ETF1: variants seen among roughly 807,000 people sequenced by gnomAD.
The protein encoded by ETF1 is eukaryotic translation termination factor 1.
In ETF1, 4 loss-of-function variants were observed where a neutral mutation model predicts 55.1. The observed-to-expected ratio is 0.07, with a 90% CI of 0.04 to 0.17. The LOEUF (loss-of-function observed/expected upper bound fraction) is 0.17, where lower values mean the gene tolerates loss of function less well. Among genes scored for constraint, ETF1 ranks in the 10% least tolerant of loss-of-function variants. ETF1 has a pLI of 1.00. For missense variants in ETF1, 142 were observed against 523.6 expected (o/e 0.27, Z 7.11); for synonymous variants, 157 against 182.3 (o/e 0.86, Z 1.12).
intron 3 of ETF1, chr5:138,517,962 G>T: frequency 3.5e-6 from 3 of 846,582 alleles, no homozygotes; most frequent in Non-Finnish European, 4.3e-6. Context: ...AGCACTCTGG[G>T]AGGCCGAGGT....
At chr5:138,531,317 G>A (rs1047171249) in intron 2 of ETF1, among the ~76,000 whole-genome samples, 7 of 152,088 alleles carry the variant, frequency 4.6e-5, no homozygotes, top group East Asian at 1.9e-4. Flanking sequence ...AGGATGCAGC[G>A]TTCAAGGTGC....
chr5:138,511,858 T>C, intron 6 of ETF1: 1 of 985,058 alleles, frequency 1.0e-6, no homozygotes, highest in Non-Finnish European at 1.2e-6. Flanking sequence ...AATAAGTTAT[T>C]GTGGAGGAAA....
intron 2 of ETF1, among the ~76,000 whole-genome samples, chr5:138,521,658 C>T (rs1342049976): frequency 3.3e-5 from 5 of 152,178 alleles, no homozygotes; most frequent in Non-Finnish European, 7.3e-5. Flanking sequence ...TCCCAAGTAG[C>T]TGGGATTACA....
intron 4 of ETF1, among the ~76,000 whole-genome samples, chr5:138,514,442 C>T (rs1764934096): frequency 6.6e-6 from 1 of 152,136 alleles, no homozygotes; most frequent in South Asian, 2.1e-4. Flanking sequence ...GTAGTCCCTA[C>T]CAGCTACTTG....
intron 2 of ETF1, among the ~76,000 whole-genome samples, chr5:138,523,459 G>A (rs1335282039): frequency 1.3e-5 from 2 of 152,264 alleles, no homozygotes; most frequent in South Asian, 2.1e-4. Context: ...GCTTGAACCC[G>A]GGAGGTGGGG....
chr5:138,512,197 CAAAAAAAAAAAAAAAAAAA>C (rs58386195), intron 6 of ETF1, among the ~76,000 whole-genome samples: 10 of 2,844 alleles, frequency 3.5e-3, no homozygotes, highest in African/African-American at 0.011. Flanking sequence ...GACCCAGTCT[CAAAAAAAAAAAAAAAAAAA>C]AAAAAAAAAA....
rs545342855 is a variant in ETF1 at position 138,525,200 on chromosome 5, C to T, written c.87-6333G>A. Among the ~76,000 whole-genome samples the T allele has an allele frequency of 4.6e-5, 7 of 151,946 alleles. No individual in the cohort carries two copies. In the East Asian group the frequency reaches 9.7e-4, roughly 21 times the overall value. ...TGAGATGAAGTCTCACACTGTCACC[C>T]GGGCTGGAGTGCAGTGGGGCGATCT... On this transcript the variant is annotated intron_variant, in intron 2 of 10. Coordinates refer to ENST00000360541, the MANE Select transcript of ETF1 (RefSeq NM_004730.4).
In ETF1 at chr5:138,516,626, G is replaced by GT. The variant is rs1409726333; in HGVS notation, c.402+934dup. Among the ~76,000 whole-genome samples the GT allele has an allele frequency of 2.0e-5, 3 of 152,242 alleles. No individual in the cohort carries two copies. In the East Asian group the frequency reaches 5.8e-4, roughly 29 times the overall value. ...ACTGCACTCTAGCCTGGGCGACAGT[G>GT]TGAGACTCTGTCTCAAAACATGCTG... is the stretch of plus-strand genomic sequence containing the variant. On this transcript the variant is annotated intron_variant, in intron 4 of 10. Coordinates refer to ENST00000360541, the MANE Select transcript of ETF1 (RefSeq NM_004730.4).
At chr5:138,542,622 C>A (rs1766230294) in intron 2 of ETF1, 3 of 1,420,896 alleles carry the variant, frequency 2.1e-6, no homozygotes, top group African/African-American at 2.9e-5. Flanking sequence ...CCGGGGAGCG[C>A]GGGCCCCTTA....
chr5:138,521,229 G>A (rs1270737199), intron 2 of ETF1, among the ~76,000 whole-genome samples: 2 of 152,136 alleles, frequency 1.3e-5, no homozygotes, highest in East Asian at 3.8e-4. Flanking sequence ...AGACAGAAAA[G>A]GACAAATACT....
At chr5:138,513,775 G>C in intron 4 of ETF1, 69 bp from the exon 5 acceptor site, 6 of 1,533,196 alleles carry the variant, frequency 3.9e-6, no homozygotes, top group Non-Finnish European at 5.3e-6. Context: ...AACTCTGAAA[G>C]GATATATACA....
chr5:138,532,008 T>C (rs1765721456), intron 2 of ETF1, among the ~76,000 whole-genome samples: 2 of 151,978 alleles, frequency 1.3e-5, no homozygotes, highest in Non-Finnish European at 2.9e-5. Context: ...ATCGAGCCAC[T>C]GCACTCCAAC....
chr5:138,512,614 G>T, intron 6 of ETF1, 150 bp downstream of exon 6: 1 of 594,642 alleles, frequency 1.7e-6, no homozygotes, highest in Non-Finnish European at 2.7e-6. Flanking sequence ...AATGTTTCCT[G>T]ATAAACATCT....
At chr5:138,510,732 A>G in intron 8 of ETF1, 103 bp from the exon 9 acceptor site, 1 of 1,453,496 alleles carries the variant, frequency 6.9e-7, no homozygotes, top group Non-Finnish European at 9.2e-7. Context: ...CAGGGACTCA[A>G]TCTCTCAACA....
intron 2 of ETF1, among the ~76,000 whole-genome samples, chr5:138,526,232 G>A (rs1433448868): frequency 6.6e-6 from 1 of 152,152 alleles, no homozygotes; most frequent in East Asian, 1.9e-4. Context: ...CAGAAAGCTG[G>A]TTACAGAGTC....
At chr5:138,508,498 G>C (rs1764639742) in intron 10 of ETF1, 111 bp from the exon 11 acceptor site, 1 of 1,565,616 alleles carries the variant, frequency 6.4e-7, no homozygotes, top group Non-Finnish European at 8.6e-7. Context: ...ATTGCAGAAA[G>C]CAAAGAGGTA....
rs752710700 is a variant in ETF1, at chr5:138,511,004, G to C, written c.1018+41C>G. The C allele has an allele frequency of 6.9e-6, 11 of 1,598,130 alleles. No individual in the cohort carries two copies. The East Asian group carries it at 2.2e-4, about 32-fold the overall frequency. On this transcript the variant is annotated intron_variant, in intron 8 of 10. Transcript: ENST00000360541. ...CCAAATCTCCACCCCAGGCTTCCTG[G>C]CTCAGTAACAAATAGCAACCTTATT...
intron 2 of ETF1, among the ~76,000 whole-genome samples, chr5:138,520,780 C>G (rs1395058883): frequency 6.6e-6 from 1 of 152,072 alleles, no homozygotes; most frequent in Non-Finnish European, 1.5e-5. Flanking sequence ...TGATTTGCCA[C>G]TGCACTCCAG....
In ETF1 at chr5:138,524,736, C is replaced by A. The variant is rs555906371; in HGVS notation, c.87-5869G>T. ...GGGACTACAGGCACACGCCATCACACCCGGCTAATTTTTGTATTTTTAGTA... is the reference window on the plus strand; with the variant it reads ...GGGACTACAGGCACACGCCATCACAACCGGCTAATTTTTGTATTTTTAGTA... On this transcript the variant is annotated intron_variant, in intron 2 of 10. Coordinates refer to ENST00000360541, the MANE Select transcript of ETF1 (RefSeq NM_004730.4). 5.3e-5 allele frequency among the ~76,000 whole-genome samples: 8 copies of A among 151,896 alleles called. No individual in the cohort carries two copies. The South Asian group carries it at 1.7e-3, about 32-fold the overall frequency.
Sources: allele counts gnomAD v4.1 joint callset (sites outside exome capture counted in the v4.1 genomes callset), GRCh38; gene constraint gnomAD v4.1.1; transcripts MANE v1.5; gene names NCBI Gene and HGNC (gene_info 2026-07-23, HGNC 2026-07-21).